Variants in TMEM11 observed in about 807,000 individuals in gnomAD.
The protein encoded by TMEM11 is transmembrane protein 11.
TMEM11 carries 1 observed loss-of-function variant against 17.0 expected under a neutral mutation model. The observed-to-expected ratio is 0.06, with a 90% CI of 0.02 to 0.28. TMEM11 has a LOEUF of 0.28. Among genes scored for constraint, TMEM11 ranks in the 10% least tolerant of loss-of-function variants. TMEM11 has a pLI of 1.00. For missense variants in TMEM11, 172 were observed against 252.9 expected, an observed-to-expected ratio of 0.68 and a Z score of 2.17; for synonymous variants, 122 against 118.1, an observed-to-expected ratio of 1.03 and a Z score of -0.21.
At chr17:21,207,394 G>A (rs1366702189) in intron 1 of TMEM11, among the ~76,000 whole-genome samples, 2 of 151,970 alleles carry the variant, frequency 1.3e-5, no homozygotes, top group Non-Finnish European at 2.9e-5. Flanking sequence ...GCTGGGCGTG[G>A]TGGTGCATGC....
chr17:21,204,035 G>A (rs1974913971), intron 1 of TMEM11, among the ~76,000 whole-genome samples: 1 of 134,882 alleles, frequency 7.4e-6, no homozygotes, highest in East Asian at 2.1e-4. Context: ...AATCTTTTGA[G>A]CCCTGGGCTT....
chr17:21,207,847 C>T (rs1974959593), intron 1 of TMEM11, among the ~76,000 whole-genome samples: 1 of 151,728 alleles, frequency 6.6e-6, no homozygotes, highest in Non-Finnish European at 1.5e-5. Context: ...AAGATCACAC[C>T]ACTGCACTCC....
rs921002656 is a variant in TMEM11 at position 21,214,023 on chromosome 17, G to C, written c.62+68C>G. On this transcript the variant is annotated intron_variant, in intron 1 of 1. Coordinates refer to ENST00000317635, the MANE Select transcript of TMEM11 (RefSeq NM_003876.3). ...GGGAAGGAAGGCTGCTGCAGCCCTC[G>C]GAGGCCGCGCTGGGCTCTCCGGCCG... The C allele has an allele frequency of 5.4e-6, 8 of 1,476,416 alleles. No individual in the cohort carries two copies. The Admixed American group carries it at 7.8e-5, about 14-fold the overall frequency. The allele number at this position is 1,476,416 out of a possible 1,614,324, so 91.5% of individuals were successfully genotyped here. A position where few individuals can be genotyped will look rare whatever the true frequency, so the allele number is the denominator to read the frequency against.
In TMEM11 at chr17:21,214,107, C is replaced by T; in HGVS notation, c.46G>A (p.Gly16Ser). The T allele has an allele frequency of 6.2e-7, 1 of 1,611,494 alleles. No homozygotes were observed. Among genetic ancestry groups the T allele is most frequent in the Non-Finnish European group, 8.5e-7 (1 of 1,179,498 alleles). ...GGATCTCACCTCTCTCGGGCGCTGCCGCCACTGCTGCCCGGGCCAAGACGC... is the reference window on the plus strand; with the variant it reads ...GGATCTCACCTCTCTCGGGCGCTGCTGCCACTGCTGCCCGGGCCAAGACGC... Reference protein sequence around the residue: ...RRRLGPGSSGGSARERVSLSA... With the variant: ...RRRLGPGSSGSSARERVSLSA... Residue 16 changes from glycine (G) to serine (S), a missense_variant, in exon 1 of 2, where the codon GGC becomes AGC. By Grantham distance (56) the Gly-to-Ser change is moderately conservative. Transcript: ENST00000317635.
chr17:21,204,468 G>A (rs1294222351), intron 1 of TMEM11, among the ~76,000 whole-genome samples: 2 of 149,162 alleles, frequency 1.3e-5, no homozygotes, highest in Non-Finnish European at 3.0e-5. Context: ...AAGAGAAAAA[G>A]GTAGCAGCAG....
intron 1 of TMEM11, among the ~76,000 whole-genome samples, chr17:21,200,143 G>A (rs769711327): frequency 6.6e-6 from 1 of 152,328 alleles, no homozygotes; most frequent in South Asian, 2.1e-4. Context: ...ACGGCAGCCC[G>A]GCTGCAGCCC....
intron 1 of TMEM11, among the ~76,000 whole-genome samples, chr17:21,205,553 C>T (rs1439229843): frequency 6.6e-6 from 1 of 152,048 alleles, no homozygotes; most frequent in African/African-American, 2.4e-5. Context: ...TGGTAAAATA[C>T]ACGTAAAATA....
At chr17:21,204,347 T>C (rs550383187) in intron 1 of TMEM11, among the ~76,000 whole-genome samples, 28 of 149,274 alleles carry the variant, frequency 1.9e-4, no homozygotes, top group African/African-American at 6.7e-4. Context: ...GGCAGAAGAA[T>C]TGCTTGAACG....
intron 1 of TMEM11, among the ~76,000 whole-genome samples, chr17:21,201,132 A>T (rs915517526): frequency 2.6e-5 from 4 of 152,262 alleles, no homozygotes; most frequent in Non-Finnish European, 5.9e-5. Flanking sequence ...TTGGATAAAC[A>T]ACTAGTTAAC....
At chr17:21,200,503 A>G (rs887523054) in intron 1 of TMEM11, among the ~76,000 whole-genome samples, 5 of 152,188 alleles carry the variant, frequency 3.3e-5, no homozygotes, top group African/African-American at 1.2e-4. Context: ...GTTCTGTCAC[A>G]TGCCTCAGGG....
At chr17:21,210,557 C>T (rs1456526384) in intron 1 of TMEM11, among the ~76,000 whole-genome samples, 1 of 152,212 alleles carries the variant, frequency 6.6e-6, no homozygotes, top group Non-Finnish European at 1.5e-5. Flanking sequence ...GAAGCTGTCA[C>T]CCCGGGACCA....
At chr17:21,212,815 G>A (rs1975017064) in intron 1 of TMEM11, among the ~76,000 whole-genome samples, 1 of 152,176 alleles carries the variant, frequency 6.6e-6, no homozygotes, top group Non-Finnish European at 1.5e-5. Flanking sequence ...GAAAATGTTT[G>A]CTAGTTTTTA....
intron 1 of TMEM11, among the ~76,000 whole-genome samples, chr17:21,209,347 G>T (rs1974978011): frequency 6.6e-6 from 1 of 152,188 alleles, no homozygotes; most frequent in South Asian, 2.1e-4. Context: ...TGTCAAACGG[G>T]GCCAGAGGCC....
rs748836900 is a variant in TMEM11, at chr17:21,198,717, A to T, written c.186T>A (p.Ile62=). The T allele has an allele frequency of 3.1e-6, 5 of 1,614,040 alleles. No homozygotes were observed. ...TCTCGTCGCCAATGCGAGTGGGCTC[A>T]ATCACAATGTACTTGTACTGGGCTT... The part of the protein sequence containing the change: ...ALEAQYKYIV[I]EPTRIGDETA... The change falls in exon 2 of 2, where the codon ATT becomes ATA. Residue 62 remains isoleucine, a synonymous_variant. Coordinates refer to ENST00000317635, the MANE Select transcript of TMEM11 (RefSeq NM_003876.3). The surrounding 1 kb of genome is among the most constrained non-coding windows in gnomAD (Gnocchi z 6.5).
At chr17:21,206,308 G>A (rs902432027) in intron 1 of TMEM11, among the ~76,000 whole-genome samples, 11 of 151,926 alleles carry the variant, frequency 7.2e-5, no homozygotes, top group African/African-American at 1.7e-4. Context: ...TGCAACCTCC[G>A]CCTCCCGGGC....
At chr17:21,206,260 T>C (rs553652711) in intron 1 of TMEM11, among the ~76,000 whole-genome samples, 37 of 152,266 alleles carry the variant, frequency 2.4e-4, no homozygotes, top group African/African-American at 7.9e-4. Flanking sequence ...CTCGCTCCAT[T>C]GCCCAGGCTG....
At chr17:21,203,307 C>G (rs1050348200) in intron 1 of TMEM11, among the ~76,000 whole-genome samples, 5 of 152,216 alleles carry the variant, frequency 3.3e-5, no homozygotes, top group African/African-American at 1.2e-4. Context: ...TCCTGGTACA[C>G]TGGTGGGAGT....
intron 1 of TMEM11, among the ~76,000 whole-genome samples, chr17:21,199,962 G>C (rs776162215): frequency 6.6e-6 from 1 of 152,232 alleles, no homozygotes; most frequent in African/African-American, 2.4e-5. Context: ...TTCTGGCCCT[G>C]TAGGCCCAGG....
At chr17:21,211,279 G>T (rs1016749108) in intron 1 of TMEM11, 21 of 1,258,918 alleles carry the variant, frequency 1.7e-5, no homozygotes, top group Admixed American at 1.2e-4. Context: ...CTACCATTTT[G>T]CTATTTCCAC....
Sources: allele counts gnomAD v4.1 joint callset (sites outside exome capture counted in the v4.1 genomes callset), GRCh38; gene constraint gnomAD v4.1.1; non-coding constraint Gnocchi (gnomAD v3.1); transcripts MANE v1.5; gene names NCBI Gene and HGNC (gene_info 2026-07-23, HGNC 2026-07-21).